UTRN: variants seen among roughly 807,000 people sequenced by gnomAD.
UTRN encodes the protein dystrophin-related protein 1.
Under a neutral mutation model 463.9 loss-of-function variants are expected in UTRN, and 283 were observed. The ratio of observed to expected loss-of-function variants is 0.61; its 90% CI spans 0.55 to 0.67. The LOEUF is 0.67. Among genes scored for constraint, UTRN ranks in the 30% least tolerant of loss-of-function variants. The pLI is 0.00. For missense variants in UTRN, 3,922 were observed against 4,084.3 expected, an observed-to-expected ratio of 0.96 and a Z score of 1.08; for synonymous variants, 1,442 against 1,431.5, an observed-to-expected ratio of 1.01 and a Z score of -0.17.
intron 33 of UTRN, among the ~76,000 whole-genome samples, chr6:144,494,578 G>A (rs1033721093): frequency 1.3e-5 from 2 of 152,142 alleles, no homozygotes; most frequent in Non-Finnish European, 2.9e-5. Flanking sequence ...TCTCTTATCT[G>A]GCCCTACCCA....
At chr6:144,351,369 G>A (rs1189398551) in intron 2 of UTRN, among the ~76,000 whole-genome samples, 1 of 152,124 alleles carries the variant, frequency 6.6e-6, no homozygotes, top group Non-Finnish European at 1.5e-5. Flanking sequence ...GTGTGTCCTC[G>A]TCCTTCAATT....
At position 144,624,595 on chromosome 6, in the gene UTRN, G is replaced by C. The variant is rs942660919; in HGVS notation, c.7479+47307G>C. ...TCAGAAGATCAGAAGGGTGGCCGGGGGCCATTACCAGGAAGAGTGAAGTGA... is the reference window on the plus strand; with the variant it reads ...TCAGAAGATCAGAAGGGTGGCCGGGCGCCATTACCAGGAAGAGTGAAGTGA... On this transcript the variant is annotated intron_variant, in intron 51 of 74. Coordinates refer to ENST00000367545, the MANE Select transcript of UTRN (RefSeq NM_007124.3). 7.2e-5 allele frequency among the ~76,000 whole-genome samples: 11 copies of C among 152,112 alleles called. No individual in the cohort carries two copies. The South Asian group carries it at 1.0e-3, about 14-fold the overall frequency.
intron 43 of UTRN, among the ~76,000 whole-genome samples, chr6:144,535,824 G>A (rs1797477702): frequency 6.6e-6 from 1 of 152,264 alleles, no homozygotes; most frequent in South Asian, 2.1e-4. Context: ...CTGATACCCA[G>A]GCTGGAGTGC....
intron 3 of UTRN, among the ~76,000 whole-genome samples, chr6:144,419,799 T>C (rs1455498674): frequency 1.3e-5 from 2 of 152,244 alleles, no homozygotes; most frequent in African/African-American, 4.8e-5. Context: ...TCTATAGCAC[T>C]GGCACACTTT....
chr6:144,813,869 CCTG>C (rs1169615839), intron 65 of UTRN, among the ~76,000 whole-genome samples: 6 of 152,192 alleles, frequency 3.9e-5, no homozygotes, highest in Admixed American at 3.9e-4. Flanking sequence ...AATGCTCTTG[CCTG>C]CTGTGAGCTC....
intron 53 of UTRN, chr6:144,706,865 A>G (rs1433509570): frequency 1.3e-5 from 2 of 152,166 alleles, no homozygotes; most frequent in Non-Finnish European, 2.9e-5. Flanking sequence ...GTGTGTGAAA[A>G]CCCAGTGTAT....
Position 144,479,963 on chromosome 6 carries a change from G to A in UTRN, c.3488G>A (p.Ser1163Asn). The part of the protein sequence containing the change: ...FEYKSPEELE[S>N]AVEEMKRAKE... Reference sequence around the variant, plus strand: ...TACAAGTCACCAGAAGAGCTTGAGAGTGCTGTGGAAGAGATGAAGGTGAGG... The same window carrying A: ...TACAAGTCACCAGAAGAGCTTGAGAATGCTGTGGAAGAGATGAAGGTGAGG... Residue 1163 changes from serine (S) to asparagine (N), a missense_variant, in exon 26 of 75, where the codon AGT (serine) becomes AAT (asparagine). By Grantham distance (46) the Ser-to-Asn change is conservative. This residue lies in a region of UTRN where 2,349 missense variants were observed against 2,303.8 expected (regional missense o/e 1.02). Transcript: ENST00000367545. 1 of 1,614,164 alleles carries A rather than the reference G, an allele frequency of 6.2e-7. No individual in the cohort carries two copies. Among genetic ancestry groups the A allele is most frequent in the Non-Finnish European group, 8.5e-7 (1 of 1,180,020 alleles).
intron 51 of UTRN, among the ~76,000 whole-genome samples, chr6:144,636,337 A>G (rs961003206): frequency 6.6e-6 from 1 of 152,066 alleles, no homozygotes; most frequent in African/African-American, 2.4e-5. Flanking sequence ...TGGGAGTTGA[A>G]CAATGAGAAC....
At chr6:144,428,685 AT>A in intron 7 of UTRN, 92 bp from the exon 8 acceptor site, 1 of 638,252 alleles carries the variant, frequency 1.6e-6, no homozygotes, top group Non-Finnish European at 2.5e-6. Context: ...ACAAATAAAA[AT>A]AATCTAAAAC....
At chr6:144,575,395 T>C (rs1020418153) in intron 50 of UTRN, among the ~76,000 whole-genome samples, 2 of 152,096 alleles carry the variant, frequency 1.3e-5, no homozygotes, top group Non-Finnish European at 2.9e-5. Flanking sequence ...GAAGGACGGA[T>C]GGATGGATGA....
intron 51 of UTRN, among the ~76,000 whole-genome samples, chr6:144,591,578 G>A (rs1360371625): frequency 6.6e-6 from 1 of 152,098 alleles, no homozygotes; most frequent in African/African-American, 2.4e-5. Context: ...ACAAAGCAAA[G>A]GAAAGAAGTC....
rs1014353710 is a variant in UTRN at position 144,552,256 on chromosome 6, C to T, written c.6928+1174C>T. Among the ~76,000 whole-genome samples the T allele has an allele frequency of 3.3e-5, 5 of 152,172 alleles. No individual in the cohort carries two copies. The East Asian group carries it at 5.8e-4, about 18-fold the overall frequency. On this transcript the variant is annotated intron_variant, in intron 48 of 74. Transcript: ENST00000367545. ...AGCAACAGGGTTATTATAGGAGATA[C>T]ATTAGAAAAGAACTTTTAATGTCTA...
chr6:144,648,117 TCAGA>T (rs766073656), intron 51 of UTRN, among the ~76,000 whole-genome samples: 3 of 152,232 alleles, frequency 2.0e-5, no homozygotes, highest in Admixed American at 6.5e-5. Context: ...TTGCCCAAGG[TCAGA>T]CAGTGAGTTG....
intron 2 of UTRN, among the ~76,000 whole-genome samples, chr6:144,383,689 A>G (rs562475946): frequency 6.6e-6 from 1 of 152,184 alleles, no homozygotes; most frequent in Admixed American, 6.5e-5. Flanking sequence ...TGCTACAGGG[A>G]AAAAAAATGG....
intron 51 of UTRN, among the ~76,000 whole-genome samples, chr6:144,657,882 A>AT (rs913335180): frequency 6.6e-6 from 1 of 151,616 alleles, no homozygotes; most frequent in Non-Finnish European, 1.5e-5. Context: ...TTATTTATTT[A>AT]TTTTTTTGTG....
chr6:144,416,857 G>T (rs187293735), intron 3 of UTRN, among the ~76,000 whole-genome samples: 1 of 152,302 alleles, frequency 6.6e-6, no homozygotes, highest in Admixed American at 6.5e-5. Flanking sequence ...TGGCATTTCT[G>T]CAGGGCCAAG....
intron 59 of UTRN, among the ~76,000 whole-genome samples, chr6:144,772,214 A>G (rs1794148519): frequency 6.6e-6 from 1 of 150,930 alleles, no homozygotes; most frequent in Non-Finnish European, 1.5e-5. Context: ...TTCGTATTTT[A>G]ATAGAGACAG....
At chr6:144,642,774 G>T (rs762901249) in intron 51 of UTRN, among the ~76,000 whole-genome samples, 1 of 152,048 alleles carries the variant, frequency 6.6e-6, no homozygotes, top group Non-Finnish European at 1.5e-5. Context: ...AGAATTGGGG[G>T]AATAAATATT....
intron 58 of UTRN, among the ~76,000 whole-genome samples, chr6:144,768,948 G>GTTTTTTTTTTTTTTTTTTTTTTTTT (rs35525101): frequency 4.0e-5 from 5 of 126,034 alleles, no homozygotes; most frequent in African/African-American, 6.4e-5. Context: ...TTTGTTTTTT[G>GTTTTTTTTTTTTTTTTTTTTTTTTT]TTTTGTTTTG....
Sources: gnomAD v4.1 joint callset for allele counts (sites outside exome capture counted in the v4.1 genomes callset) on GRCh38, gnomAD v4.1.1 for gene constraint, gnomAD v4.1.1 regional missense constraint, MANE v1.5 for transcripts, NCBI Gene and HGNC (gene_info 2026-07-23, HGNC 2026-07-21) for gene names.